Variants in KDM6A observed in about 807,000 individuals in gnomAD.
KDM6A encodes lysine-specific demethylase 6A.
KDM6A carries 11 observed loss-of-function variants against 117.6 expected under a neutral mutation model. The observed-to-expected ratio is 0.09, with a 90% CI of 0.06 to 0.15. The LOEUF is 0.15. KDM6A is among the 10% of genes least tolerant of loss of function. The pLI, the probability that KDM6A is intolerant of heterozygous loss-of-function variation, is 1.00. For synonymous variants in KDM6A, 384 were observed against 396.1 expected, an observed-to-expected ratio of 0.97 and a Z score of 0.36; for missense variants, 799 against 1,077.3, an observed-to-expected ratio of 0.74 and a Z score of 3.62.
chrX:44,963,483 G>GTC (rs1556012410), intron 3 of KDM6A, among the ~76,000 whole-genome samples: 2,806 of 40,711 alleles, frequency 0.069, 45 homozygotes, highest in East Asian at 0.14. Flanking sequence ...GTGTGTGTGT[G>GTC]TGTCTGTCTG....
Position 44,873,704 on chromosome X carries a change from A to G in KDM6A, c.153A>G (p.Gly51=). 3.4e-6 allele frequency: 4 copies of G among 1,170,803 alleles called. No individual in the cohort carries two copies. Among genetic ancestry groups the G allele is most frequent in the Non-Finnish European group, 4.6e-6 (4 of 875,645 alleles). ...CCGAGGAGAGGGAGGCGCTCGGCGGACTGGACAGGTACGGGCCGCCGTCAC... is the reference window on the plus strand; with the variant it reads ...CCGAGGAGAGGGAGGCGCTCGGCGGGCTGGACAGGTACGGGCCGCCGTCAC... ...LTAEEREALG[G]LDSRLFGFVR... The change falls in exon 1 of 30, where the codon GGA becomes GGG. Residue 51 remains glycine (G), a synonymous_variant. Coordinates refer to ENST00000611820, the MANE Select transcript of KDM6A (RefSeq NM_001291415.2).
intron 2 of KDM6A, among the ~76,000 whole-genome samples, chrX:44,953,179 G>A (rs191870014): frequency 3.6e-5 from 4 of 111,081 alleles, no homozygotes; most frequent in East Asian, 5.6e-4. Context: ...GAACTCTACT[G>A]TTCCAGGAAC....
intron 6 of KDM6A, among the ~76,000 whole-genome samples, chrX:45,029,816 A>T (rs1010265779): frequency 3.6e-5 from 4 of 111,053 alleles, no homozygotes; most frequent in African/African-American, 9.9e-5. Context: ...CATAGGTTAG[A>T]TGCAAACTAG....
At chrX:44,984,509 T>C (rs1460406623) in intron 4 of KDM6A, among the ~76,000 whole-genome samples, 3 of 111,907 alleles carry the variant, frequency 2.7e-5, no homozygotes, top group African/African-American at 9.8e-5. Flanking sequence ...TGAATGGTAT[T>C]GCCTAGGTTT....
At chrX:45,058,465 T>C (rs951269694) in intron 10 of KDM6A, among the ~76,000 whole-genome samples, 1 of 111,260 alleles carries the variant, frequency 9.0e-6, no homozygotes, top group Non-Finnish European at 1.9e-5. Flanking sequence ...TACTTTATAC[T>C]ATTTTTGATA....
At chrX:44,952,371 G>C (rs1030179729) in intron 2 of KDM6A, among the ~76,000 whole-genome samples, 2 of 105,749 alleles carry the variant, frequency 1.9e-5, no homozygotes, top group Non-Finnish European at 3.9e-5. Context: ...TCCTAGGTTC[G>C]AGCGATTCTC....
At chrX:45,052,366 G>A (rs1227582197) in intron 9 of KDM6A, among the ~76,000 whole-genome samples, 1 of 111,077 alleles carries the variant, frequency 9.0e-6, no homozygotes, top group African/African-American at 3.3e-5. Flanking sequence ...TTGATATTTG[G>A]GTTGTTTTTT....
rs148736182 is a variant in KDM6A at position 45,062,095 on chromosome X, C to T, written c.1582-552C>T. 4.1e-4 allele frequency among the ~76,000 whole-genome samples: 45 copies of T among 110,363 alleles called. No homozygotes were observed. The East Asian group carries it at 0.012, about 29-fold the overall frequency. On this transcript the variant is annotated intron_variant, in intron 15 of 29. Coordinates refer to ENST00000611820, the MANE Select transcript of KDM6A (RefSeq NM_001291415.2). ...CAAATATACATCCCCCCCTTTCTCA[C>T]ATGTATTATTATTTTTCTTCTTTTT...
rs774435049 is a variant in KDM6A at position 45,107,495 on chromosome X, C to T, written c.4120C>T (p.Arg1374Trp). 4.1e-6 allele frequency: 5 copies of T among 1,207,816 alleles called. No homozygotes were observed. The highest frequency in any genetic ancestry group is 3.4e-6 in the Non-Finnish European group (3 of 893,298). The part of the protein sequence containing the change: ...AAGKEIIWHG[R>W]TKEEPAHYCS... ...AGGAAAAGAGATTATATGGCATGGG[C>T]GGACAAAAGAAGAACCAGCTCATTA... is the stretch of plus-strand genomic sequence containing the variant. Residue 1374 changes from arginine to tryptophan, a missense_variant, in exon 28 of 30, where the codon CGG (arginine) becomes TGG (tryptophan). Transcript: ENST00000611820.
At chrX:44,999,358 G>T (rs965458133) in intron 4 of KDM6A, among the ~76,000 whole-genome samples, 2 of 111,661 alleles carry the variant, frequency 1.8e-5, no homozygotes, top group Non-Finnish European at 3.8e-5. Context: ...CGCTGCTGCT[G>T]TGTAGTTCCC....
At chrX:44,932,646 C>G (rs1048716159) in intron 2 of KDM6A, among the ~76,000 whole-genome samples, 1 of 111,188 alleles carries the variant, frequency 9.0e-6, no homozygotes, top group African/African-American at 3.3e-5. Context: ...TTCACTTAGT[C>G]CCACAGCTTT....
At chrX:44,882,903 G>A (rs1040633757) in intron 2 of KDM6A, among the ~76,000 whole-genome samples, 1 of 111,178 alleles carries the variant, frequency 9.0e-6, no homozygotes, top group Admixed American at 9.7e-5. Flanking sequence ...TGTATTAAGT[G>A]TAATAATAAA....
intron 20 of KDM6A, 57 bp downstream of exon 20, chrX:45,078,562 CTT>C: frequency 1.4e-5 from 14 of 993,521 alleles, no homozygotes; most frequent in Non-Finnish European, 2.0e-5. Context: ...TATCTTTTAA[CTT>C]TTCCAGCACT....
intron 26 of KDM6A, 40 bp downstream of exon 26, chrX:45,089,970 A>G: frequency 9.2e-7 from 1 of 1,088,398 alleles, no homozygotes; most frequent in Non-Finnish European, 1.3e-6. Flanking sequence ...TAATTTATAA[A>G]GGATTATATC....
At chrX:45,082,303 C>T (rs763748084) in intron 21 of KDM6A, 6 of 325,307 alleles carry the variant, frequency 1.8e-5, no homozygotes, top group Admixed American at 5.1e-5. Flanking sequence ...CGTGGTCATG[C>T]GCACCTAATA....
intron 27 of KDM6A, among the ~76,000 whole-genome samples, chrX:45,099,893 G>C (rs767163147): frequency 4.5e-5 from 5 of 111,168 alleles, no homozygotes; most frequent in Non-Finnish European, 7.5e-5. Context: ...AATTAGCTGG[G>C]TGTGGTGGCA....
intron 4 of KDM6A, among the ~76,000 whole-genome samples, chrX:44,988,851 G>A (rs2040403046): frequency 9.0e-6 from 1 of 110,988 alleles, no homozygotes; most frequent in Middle Eastern, 4.7e-3. Context: ...GGCTACTCGG[G>A]GGTCAGGGAC....
intron 2 of KDM6A, among the ~76,000 whole-genome samples, chrX:44,915,397 A>G (rs1429310201): frequency 8.9e-6 from 1 of 111,793 alleles, no homozygotes; most frequent in African/African-American, 3.3e-5. Flanking sequence ...ACCCTCTGGT[A>G]TTGTACACCA....
At chrX:44,901,908 A>G (rs768495578) in intron 2 of KDM6A, among the ~76,000 whole-genome samples, 48 of 112,116 alleles carry the variant, frequency 4.3e-4, no homozygotes, top group Non-Finnish European at 8.3e-4. Context: ...TCCTTTTTAG[A>G]AAGCATATAG....
Sources: gnomAD v4.1 joint callset for allele counts (sites outside exome capture counted in the v4.1 genomes callset) on GRCh38, gnomAD v4.1.1 for gene constraint, MANE v1.5 for transcripts, NCBI Gene and HGNC (gene_info 2026-07-23, HGNC 2026-07-21) for gene names.